Variants in SBF1 observed in about 807,000 individuals in gnomAD.
SBF1 encodes myotubularin-related protein 5.
In SBF1, 65 loss-of-function variants were observed where a neutral mutation model predicts 215.8. The ratio of observed to expected loss-of-function variants is 0.30; its 90% CI spans 0.25 to 0.37. SBF1 has a LOEUF of 0.37. SBF1 is among the 10% of genes least tolerant of loss of function. The pLI, the probability that SBF1 is intolerant of heterozygous loss-of-function variation, is 1.00. For missense variants in SBF1, 2,634 were observed against 2,667.8 expected (o/e 0.99, Z 0.28); for synonymous variants, 1,410 against 1,122.8 (o/e 1.26, Z -5.11).
At chr22:50,464,763 G>A in intron 13 of SBF1, 25 bp from the exon 14 acceptor site, 1 of 1,609,536 alleles carries the variant, frequency 6.2e-7, no homozygotes, top group Non-Finnish European at 8.5e-7. Context: ...CAGGTGTGGG[G>A]CAGGGGCCCA....
rs376825545 is a variant in SBF1 at position 50,462,897 on chromosome 22, C to G, written c.1941G>C (p.Leu647=). ...GGCAGAAGGCTGTGACCAGAGGCAG[C>G]AGAGCCGCCGCAATGCCATGCTCGT... The part of the protein sequence containing the change: ...SLDEHGIAAA[L]LPLVTAFCRK... Residue 647 remains leucine (L), a synonymous_variant, in exon 17 of 41, where the codon CTG becomes CTC. Transcript: ENST00000380817. 6.2e-7 allele frequency: 1 copy of G among 1,612,840 alleles called. No individual in the cohort carries two copies. Among genetic ancestry groups the G allele is most frequent in the South Asian group, 1.1e-5 (1 of 91,048 alleles).
rs2067539898 is a variant in SBF1, at chr22:50,462,110, G to A, written c.2406C>T (p.Gly802=). 3 of 1,613,302 alleles carry A rather than the reference G, an allele frequency of 1.9e-6. No individual in the cohort carries two copies. Among genetic ancestry groups the A allele is most frequent in the Non-Finnish European group, 2.5e-6 (3 of 1,180,032 alleles). ...SNSLVTNSMA[G]SVAESYDTES... ...CCGTGTCATAGCTCTCGGCCACACTGCCAGCCATGCTGGGCCAGAGAAGAA... is the reference window on the plus strand; with the variant it reads ...CCGTGTCATAGCTCTCGGCCACACTACCAGCCATGCTGGGCCAGAGAAGAA... Residue 802 remains glycine, a synonymous_variant, in exon 20 of 41, where the codon GGC becomes GGT. Coordinates refer to ENST00000380817, the MANE Select transcript of SBF1 (RefSeq NM_002972.4).
At chr22:50,452,650 A>AG (rs2067089271) in intron 36 of SBF1, among the ~76,000 whole-genome samples, 1 of 143,434 alleles carries the variant, frequency 7.0e-6, no homozygotes, top group Non-Finnish European at 1.5e-5. Flanking sequence ...CTGAACTCAG[A>AG]GGCAGAGGTT....
chr22:50,449,166 G>A (rs1452848181), intron 36 of SBF1, among the ~76,000 whole-genome samples: 1 of 149,884 alleles, frequency 6.7e-6, no homozygotes, highest in Non-Finnish European at 1.5e-5. Context: ...GAGCAAAACT[G>A]CTTCTCAAAA....
intron 1 of SBF1, among the ~76,000 whole-genome samples, chr22:50,472,883 C>G (rs992778544): frequency 6.6e-6 from 1 of 152,214 alleles, no homozygotes. Flanking sequence ...CTGACCAGCT[C>G]AACCCCAGAA....
chr22:50,450,444 A>C (rs541762515), intron 36 of SBF1, among the ~76,000 whole-genome samples: 2 of 150,798 alleles, frequency 1.3e-5, no homozygotes, highest in African/African-American at 4.9e-5. Context: ...TTGCTTGAAC[A>C]TGGGAAGTGG....
intron 10 of SBF1, 141 bp downstream of exon 10, chr22:50,465,622 G>A: frequency 1.2e-6 from 1 of 805,584 alleles, no homozygotes; most frequent in Non-Finnish European, 2.0e-6. Context: ...GCTGGCAGCT[G>A]CTTTGCTCCC....
At chr22:50,458,900 G>T (rs1335776282) in intron 28 of SBF1, among the ~76,000 whole-genome samples, 5 of 152,250 alleles carry the variant, frequency 3.3e-5, no homozygotes, top group African/African-American at 1.2e-4. Flanking sequence ...GAGGGAACAG[G>T]ACAGAGGAGC....
chr22:50,448,525 A>T lies in SBF1; in HGVS notation c.5151+18T>A. On this transcript the variant is annotated intron_variant, in intron 37 of 40. Coordinates refer to ENST00000380817, the MANE Select transcript of SBF1 (RefSeq NM_002972.4). ...AGCAACACGCCCACCGTGGACGCTC[A>T]CACTGGCCCTCACTCACACGGCCGT... 6.2e-7 allele frequency: 1 copy of T among 1,610,894 alleles called. No homozygotes were observed. The highest frequency in any genetic ancestry group is 8.5e-7 in the Non-Finnish European group (1 of 1,178,212).
At chr22:50,451,785 AAAGT>A (rs2067056253) in intron 36 of SBF1, among the ~76,000 whole-genome samples, 1 of 152,044 alleles carries the variant, frequency 6.6e-6, no homozygotes, top group South Asian at 2.1e-4. Flanking sequence ...GCCAGAAAAC[AAAGT>A]AATATCTTTT....
At chr22:50,447,640 G>A (rs1054416208) in intron 38 of SBF1, 31 bp from the exon 39 acceptor site, 2 of 1,525,698 alleles carry the variant, frequency 1.3e-6, no homozygotes, top group African/African-American at 1.4e-5. Context: ...GGGCCAGGCT[G>A]ACCGTCATGG....
chr22:50,459,891 C>A lies in SBF1; in HGVS notation c.3491+61G>T, dbSNP rs866667740. 1.5e-5 allele frequency: 23 copies of A among 1,563,162 alleles called. 1 individual carries two copies. The Middle Eastern group carries it at 3.0e-3, about 204-fold the overall frequency. ...CAGAAGCCGTGGCCCAGGCCCACAGCGGGCAGGGAAGACACCCAGTCACGT... is the reference window on the plus strand; with the variant it reads ...CAGAAGCCGTGGCCCAGGCCCACAGAGGGCAGGGAAGACACCCAGTCACGT... On this transcript the variant is annotated intron_variant, in intron 26 of 40. Transcript: ENST00000380817.
At position 50,464,688 on chromosome 22, in the gene SBF1, C is replaced by G; in HGVS notation, c.1482G>C (p.Glu494Asp). ...GGGGCACCCGTCGCAGGTGGCTGCT[C>G]TCACCGGGCCTCTGTACCTTGTGCA... ...VAMHKVQRPG[E>D]SSHLRRVPRP... Residue 494 changes from glutamate to aspartate, a missense_variant, in exon 14 of 41, where the codon GAG (glutamate) becomes GAC (aspartate). Transcript: ENST00000380817. 1 of 1,607,470 alleles carries G rather than the reference C, an allele frequency of 6.2e-7. No individual in the cohort carries two copies. The highest frequency in any genetic ancestry group is 8.5e-7 in the Non-Finnish European group (1 of 1,179,642).
In SBF1 at chr22:50,448,216, G is replaced by A; in HGVS notation, c.5363+17C>T. 6.2e-7 allele frequency: 1 copy of A among 1,607,596 alleles called. No individual in the cohort carries two copies. Among genetic ancestry groups the A allele is most frequent in the Non-Finnish European group, 8.5e-7 (1 of 1,177,648 alleles). ...AGCTCAGAGGTGTCCATGTGGCAGT[G>A]GGAGGTGCCCTCATACCTGTTCTCA... is the stretch of plus-strand genomic sequence containing the variant. On this transcript the variant is annotated intron_variant, in intron 38 of 40. Coordinates refer to ENST00000380817, the MANE Select transcript of SBF1 (RefSeq NM_002972.4).
chr22:50,458,260 G>A (rs1603431757), intron 28 of SBF1, among the ~76,000 whole-genome samples: 2 of 143,770 alleles, frequency 1.4e-5, no homozygotes, highest in South Asian at 2.2e-4. Context: ...AGCCGAGATC[G>A]CACCACCGCA....
At position 50,462,051 on chromosome 22, in the gene SBF1, A is replaced by G; in HGVS notation, c.2465T>C (p.Val822Ala). 6.2e-7 allele frequency: 1 copy of G among 1,614,224 alleles called. No homozygotes were observed. The highest frequency in any genetic ancestry group is 8.5e-7 in the Non-Finnish European group (1 of 1,180,048). Residue 822 changes from valine (V) to alanine (A), a missense_variant, in exon 20 of 41, where the codon GTA (valine) becomes GCA (alanine). Transcript: ENST00000380817. ...GATGAAGCGGACCACAGCCCCAGCT[A>G]CGTCGCAGGTCTCTGCATCCTCGAA... ...SGFEDAETCD[V>A]AGAVVRFINR... is the part of the protein sequence containing the mutation.
At position 50,466,006 on chromosome 22, in the gene SBF1, G is replaced by A. The variant is rs533384713; in HGVS notation, c.966C>T (p.Pro322=). ...VTIPECVHIP[P]LPEPLQSQTH... is the part of the protein sequence containing the mutation. ...TCTGACTCTGCAGTGGCTCTGGCAAGGGTGGAATGTGCACACACTCAGGAA... is the reference window on the plus strand; with the variant it reads ...TCTGACTCTGCAGTGGCTCTGGCAAAGGTGGAATGTGCACACACTCAGGAA... Residue 322 remains proline (P), a synonymous_variant, in exon 9 of 41, where the codon CCC becomes CCT. Transcript: ENST00000380817. The A allele has an allele frequency of 1.9e-6, 3 of 1,613,996 alleles. No individual in the cohort carries two copies. Among genetic ancestry groups the A allele is most frequent in the East Asian group, 2.2e-5 (1 of 44,882 alleles).
intron 1 of SBF1, among the ~76,000 whole-genome samples, chr22:50,471,382 A>G (rs2067990262): frequency 6.6e-6 from 1 of 152,198 alleles, no homozygotes; most frequent in Non-Finnish European, 1.5e-5. Flanking sequence ...ATCTGCTGGC[A>G]GCACCCCATC....
intron 21 of SBF1, 33 bp downstream of exon 21, chr22:50,461,763 T>C (rs771335507): frequency 6.2e-7 from 1 of 1,611,338 alleles, no homozygotes; most frequent in Non-Finnish European, 8.5e-7. Flanking sequence ...GCCCGGGCCT[T>C]GGGCCCCCGC....
Sources: allele counts gnomAD v4.1 joint callset (sites outside exome capture counted in the v4.1 genomes callset), GRCh38; gene constraint gnomAD v4.1.1; transcripts MANE v1.5; gene names NCBI Gene and HGNC (gene_info 2026-07-23, HGNC 2026-07-21).